Variants in OR56A3 observed in about 807,000 individuals in gnomAD.
OR56A3 encodes olfactory receptor family 56 subfamily A member 3, also known as olfactory receptor 56A3.
Under a neutral mutation model 17.5 loss-of-function variants are expected in OR56A3, and 23 were observed. That is an observed-to-expected ratio of 1.32 (90% CI 0.95 to 1.87). The LOEUF is 1.87. Among genes scored for constraint, OR56A3 ranks in the 40% most tolerant of loss-of-function variants. OR56A3 has a pLI of 0.00. For synonymous variants in OR56A3, 175 were observed against 150.6 expected (o/e 1.16, Z -1.19); for missense variants, 366 against 380.1 (o/e 0.96, Z 0.31).
the OR56A3 span, among the ~76,000 whole-genome samples, chr11:6,012,383 T>C: frequency 6.6e-6 from 1 of 152,154 alleles, no homozygotes; most frequent in Non-Finnish European, 1.5e-5. Context: ...GAGAAAGTAG[T>C]TCCTCTCTGC....
At chr11:5,977,740 G>T in the OR56A3 span, among the ~76,000 whole-genome samples, 2 of 152,074 alleles carry the variant, frequency 1.3e-5, no homozygotes, top group Non-Finnish European at 2.9e-5. Flanking sequence ...GTCTATTTTT[G>T]ATTTGTTGCA....
the OR56A3 span, among the ~76,000 whole-genome samples, chr11:5,988,222 T>C: frequency 6.6e-6 from 1 of 152,220 alleles, no homozygotes; most frequent in Non-Finnish European, 1.5e-5. Flanking sequence ...AGATGAATAT[T>C]GATTATGTTC....
the OR56A3 span, among the ~76,000 whole-genome samples, chr11:5,997,268 C>T: frequency 1.3e-5 from 2 of 152,202 alleles, no homozygotes; most frequent in Non-Finnish European, 2.9e-5. Context: ...AGACTTGCTG[C>T]ATTTCTACCA....
At chr11:5,985,931 T>C in the OR56A3 span, 3 of 1,592,164 alleles carry the variant, frequency 1.9e-6, no homozygotes, top group Non-Finnish European at 2.6e-6. Context: ...ACAATGAGAA[T>C]ATGTTCAGAT....
chr11:6,014,690 A>C, the OR56A3 span, among the ~76,000 whole-genome samples: 1 of 152,170 alleles, frequency 6.6e-6, no homozygotes, highest in African/African-American at 2.4e-5. Flanking sequence ...AGAAGACAAG[A>C]AGATGAGGTA....
the OR56A3 span, chr11:5,967,688 C>T: frequency 1.1e-5 from 18 of 1,613,796 alleles, no homozygotes; most frequent in Non-Finnish European, 1.4e-5. Flanking sequence ...GAGGAATTCT[C>T]TTCCTGGCCA....
the OR56A3 span, chr11:5,967,747 G>C: frequency 6.2e-7 from 1 of 1,606,686 alleles, no homozygotes; most frequent in South Asian, 1.1e-5. Context: ...AAGAGGATGA[G>C]GATGAAGTGG....
At chr11:5,976,315 A>G in the OR56A3 span, among the ~76,000 whole-genome samples, 516 of 152,234 alleles carry the variant, frequency 3.4e-3, 6 homozygotes, top group Non-Finnish European at 3.2e-3. Context: ...GGAAATAGGA[A>G]GGGGTAAAAG....
At chr11:5,970,609 T>A in the OR56A3 span, among the ~76,000 whole-genome samples, 4 of 151,688 alleles carry the variant, frequency 2.6e-5, no homozygotes, top group African/African-American at 9.7e-5. Flanking sequence ...ATGCATAGAT[T>A]TTTTTTTACA....
the OR56A3 span, among the ~76,000 whole-genome samples, chr11:5,978,188 G>T: frequency 5.3e-5 from 8 of 152,166 alleles, no homozygotes; most frequent in South Asian, 4.2e-4. Context: ...GGCTATTCAG[G>T]TTCTTTTTGG....
intron 1 of OR56A3, chr11:5,943,296 C>G (rs1847849959): frequency 2.6e-5 from 4 of 152,118 alleles, no homozygotes; most frequent in Admixed American, 2.6e-4. Flanking sequence ...TCCCAAAGCT[C>G]TTCAAGAGAC....
chr11:6,012,656 G>A, the OR56A3 span, among the ~76,000 whole-genome samples: 2,565 of 152,278 alleles, frequency 0.017, 29 homozygotes, highest in Non-Finnish European at 0.028. Context: ...AAGTGTGCAT[G>A]ACTGGTCCAT....
intron 2 of OR56A3, among the ~76,000 whole-genome samples, chr11:5,945,654 A>G (rs376447358): frequency 5.9e-5 from 9 of 151,562 alleles, no homozygotes; most frequent in African/African-American, 1.5e-4. Context: ...CCCAACCTCT[A>G]TATTAGGTAA....
chr11:5,991,596 T>C, the OR56A3 span, among the ~76,000 whole-genome samples: 1,065 of 152,172 alleles, frequency 7.0e-3, 11 homozygotes, highest in South Asian at 0.04. Flanking sequence ...ACCAGAGGTA[T>C]TGGGAGAGCC....
chr11:5,943,744 A>T (rs1847853163), intron 1 of OR56A3, among the ~76,000 whole-genome samples: 2 of 152,218 alleles, frequency 1.3e-5, no homozygotes. Context: ...CCACAAAAAG[A>T]ATAAAATACC....
chr11:5,986,792 G>A, the OR56A3 span: 1 of 1,613,922 alleles, frequency 6.2e-7, no homozygotes, highest in African/African-American at 1.3e-5. Flanking sequence ...CCCAGGGGCA[G>A]TGCAATCCAG....
At chr11:5,968,418 C>T in the OR56A3 span, 1 of 1,607,706 alleles carries the variant, frequency 6.2e-7, no homozygotes. Context: ...CCAGTGCTGC[C>T]AGCTCTGGAA....
chr11:6,009,944 A>G, the OR56A3 span, among the ~76,000 whole-genome samples: 5 of 152,020 alleles, frequency 3.3e-5, no homozygotes, highest in Non-Finnish European at 1.5e-5. Flanking sequence ...TATTGGTTTC[A>G]GATTAAGCTC....
the OR56A3 span, among the ~76,000 whole-genome samples, chr11:6,012,619 G>C: frequency 6.6e-6 from 1 of 152,162 alleles, no homozygotes; most frequent in African/African-American, 2.4e-5. Context: ...GCTGATCCAG[G>C]GGCTTTTATG....
Sources: gnomAD v4.1 joint callset for allele counts (sites outside exome capture counted in the v4.1 genomes callset) on GRCh38, gnomAD v4.1.1 for gene constraint, MANE v1.5 for transcripts, NCBI Gene and HGNC (gene_info 2026-07-23, HGNC 2026-07-21) for gene names.